Variants in DPYSL2 observed in about 807,000 individuals in gnomAD.
DPYSL2 encodes dihydropyrimidinase like 2, also known as dihydropyrimidinase-related protein 2.
In DPYSL2, 13 loss-of-function variants were observed where a neutral mutation model predicts 69.9. That is an observed-to-expected ratio of 0.19 (90% CI 0.12 to 0.30). The LOEUF (loss-of-function observed/expected upper bound fraction) is 0.30. Among genes scored for constraint, DPYSL2 ranks in the 10% least tolerant of loss-of-function variants. The pLI, the probability that DPYSL2 is intolerant of heterozygous loss-of-function variation, is 1.00. For synonymous variants in DPYSL2, 326 were observed against 359.1 expected (o/e 0.91, Z 1.04); for missense variants, 587 against 918.9 (o/e 0.64, Z 4.67).
intron 3 of DPYSL2, among the ~76,000 whole-genome samples, chr8:26,590,307 C>T (rs1361864712): frequency 6.6e-6 from 1 of 152,206 alleles, no homozygotes; most frequent in Non-Finnish European, 1.5e-5. Context: ...TCTCTGTGCT[C>T]CTCCCCTTGT....
At chr8:26,589,633 C>G (rs1390535601) in intron 3 of DPYSL2, among the ~76,000 whole-genome samples, 1 of 152,206 alleles carries the variant, frequency 6.6e-6, no homozygotes, top group African/African-American at 2.4e-5. Flanking sequence ...AGCCCCAGCT[C>G]CCTGAGTCCC....
intron 1 of DPYSL2, among the ~76,000 whole-genome samples, chr8:26,559,091 C>T (rs1056465015): frequency 2.6e-5 from 4 of 152,100 alleles, no homozygotes; most frequent in Admixed American, 6.5e-5. Flanking sequence ...TACAAGCGCA[C>T]GCCACCACGC....
intron 1 of DPYSL2, chr8:26,578,337 T>C: frequency 1.9e-6 from 3 of 1,613,618 alleles, no homozygotes; most frequent in Non-Finnish European, 2.5e-6. Flanking sequence ...CAGCCACCTT[T>C]TGTAGCACAG....
Position 26,571,716 on chromosome 8 carries a change from C to T in DPYSL2, c.355-10253C>T, listed in dbSNP as rs1184570685. ...ATCCTAGCAGAGCCCCCATGCTGGCCGGCAGTCTGTACAGTTCTAGCCAAA... is the reference window on the plus strand; with the variant it reads ...ATCCTAGCAGAGCCCCCATGCTGGCTGGCAGTCTGTACAGTTCTAGCCAAA... On this transcript the variant is annotated intron_variant, in intron 1 of 13. Coordinates refer to ENST00000521913, the MANE Select transcript of DPYSL2 (RefSeq NM_001197293.3). This position sits in a 1 kb window ranked among gnomAD's most constrained non-coding sequence, Gnocchi z 6.1. Among the ~76,000 whole-genome samples the T allele has an allele frequency of 1.3e-5, 2 of 152,142 alleles. No homozygotes were observed. Among genetic ancestry groups the T allele is most frequent in the African/African-American group, 2.4e-5 (1 of 41,436 alleles).
At chr8:26,574,665 C>A (rs1443141607) in intron 1 of DPYSL2, among the ~76,000 whole-genome samples, 1 of 152,142 alleles carries the variant, frequency 6.6e-6, no homozygotes, top group Non-Finnish European at 1.5e-5. Flanking sequence ...ACAAAGGGTA[C>A]GAATATTAGA....
rs1373719648 is a variant in DPYSL2 at position 26,588,521 on chromosome 8, A to T, written c.628+4538A>T. Among the ~76,000 whole-genome samples the T allele has an allele frequency of 6.6e-6, 1 of 152,126 alleles. No homozygotes were observed. The highest frequency in any genetic ancestry group is 1.5e-5 in the Non-Finnish European group (1 of 68,008). ...CTGAATGTCATTTCTGCTCACCTGA[A>T]CTCCAGGCTCTCTCTAGAGGAGGTG... On this transcript the variant is annotated intron_variant, in intron 3 of 13. Transcript: ENST00000521913. This position sits in a 1 kb window ranked among gnomAD's most constrained non-coding sequence, Gnocchi z 5.4.
chr8:26,586,195 G>A lies in DPYSL2; in HGVS notation c.628+2212G>A, dbSNP rs1418091998. On this transcript the variant is annotated intron_variant, in intron 3 of 13. Transcript: ENST00000521913. The surrounding 1 kb of genome is among the most constrained non-coding windows in gnomAD (Gnocchi z 4.7). Reference sequence around the variant, plus strand: ...CCCCCAGCCAGGAGTTAGGAGTCTGGAGTGCTGGCCCCCTTCTGACACTGA... The same window carrying A: ...CCCCCAGCCAGGAGTTAGGAGTCTGAAGTGCTGGCCCCCTTCTGACACTGA... Among the ~76,000 whole-genome samples, 2 of 152,176 alleles carry A rather than the reference G, an allele frequency of 1.3e-5. No homozygotes were observed. The highest frequency in any genetic ancestry group is 2.9e-5 in the Non-Finnish European group (2 of 68,024).
rs1801882833 is a variant in DPYSL2 at position 26,597,284 on chromosome 8, C to G, written c.628+13301C>G. Among the ~76,000 whole-genome samples the G allele has an allele frequency of 6.6e-6, 1 of 152,130 alleles. No individual in the cohort carries two copies. The highest frequency in any genetic ancestry group is 6.5e-5 in the Admixed American group (1 of 15,272). On this transcript the variant is annotated intron_variant, in intron 3 of 13. Coordinates refer to ENST00000521913, the MANE Select transcript of DPYSL2 (RefSeq NM_001197293.3). This position sits in a 1 kb window ranked among gnomAD's most constrained non-coding sequence, Gnocchi z 5.2. Reference sequence around the variant, plus strand: ...ATCCTTCTTCTGGGAGGCCCGGGAGCCTTCTTCCATGCGGGGCCAGATTGA... The same window carrying G: ...ATCCTTCTTCTGGGAGGCCCGGGAGGCTTCTTCCATGCGGGGCCAGATTGA...
At chr8:26,546,317 A>G (rs1212860697) in intron 1 of DPYSL2, among the ~76,000 whole-genome samples, 4 of 152,194 alleles carry the variant, frequency 2.6e-5, no homozygotes. Context: ...CAGGAAAGCA[A>G]TGGACTTTTG....
At chr8:26,631,898 C>T (rs73567651) in intron 7 of DPYSL2, among the ~76,000 whole-genome samples, 1 of 152,132 alleles carries the variant, frequency 6.6e-6, no homozygotes. Context: ...GTGTGTTAAA[C>T]CCTGTGTGGG....
At chr8:26,542,744 AG>A (rs1223924348) in intron 1 of DPYSL2, among the ~76,000 whole-genome samples, 2 of 152,170 alleles carry the variant, frequency 1.3e-5, no homozygotes, top group Non-Finnish European at 2.9e-5. Context: ...ATTTTTAAAA[AG>A]TTAATACATG....
chr8:26,607,216 G>A (rs1802125716), intron 3 of DPYSL2, among the ~76,000 whole-genome samples: 1 of 152,218 alleles, frequency 6.6e-6, no homozygotes, highest in Non-Finnish European at 1.5e-5. Context: ...GCCGGGTGGT[G>A]CCTCACGCCT....
At chr8:26,635,042 G>A (rs113128902) in intron 8 of DPYSL2, 142 bp downstream of exon 8, 3 of 1,250,038 alleles carry the variant, frequency 2.4e-6, no homozygotes, top group Non-Finnish European at 3.3e-6. Flanking sequence ...CCTAATTACA[G>A]CCGGGCAAGG....
chr8:26,624,200 G>A lies in DPYSL2; in HGVS notation c.686G>A (p.Arg229Lys). 6.2e-7 allele frequency: 1 copy of A among 1,614,228 alleles called. No individual in the cohort carries two copies. The highest frequency in any genetic ancestry group is 1.1e-5 in the South Asian group (1 of 91,086). ...CTGCTCGCTGCCTTTGACCAGTGGA[G>A]GGAATGGGCCGACAGCAAGTCCTGC... ...TSLLAAFDQW[R>K]EWADSKSCCD... is the part of the protein sequence containing the mutation. The change falls in exon 4 of 14, where the codon AGG (arginine) becomes AAG (lysine). Residue 229 changes from arginine to lysine, a missense_variant. Physicochemically the swap from Arg to Lys is conservative, Grantham distance 26. Coordinates refer to ENST00000521913, the MANE Select transcript of DPYSL2 (RefSeq NM_001197293.3). This position sits in a 1 kb window ranked among gnomAD's most constrained non-coding sequence, Gnocchi z 4.7.
intron 3 of DPYSL2, among the ~76,000 whole-genome samples, chr8:26,600,457 T>A (rs1801964797): frequency 6.6e-6 from 1 of 152,192 alleles, no homozygotes; most frequent in Non-Finnish European, 1.5e-5. Context: ...TGCCAACACT[T>A]GCTATTGTCT....
intron 3 of DPYSL2, among the ~76,000 whole-genome samples, chr8:26,596,158 G>C (rs1424000157): frequency 6.6e-6 from 1 of 152,134 alleles, no homozygotes; most frequent in Non-Finnish European, 1.5e-5. Context: ...TAATCTTTTG[G>C]AGGAAGTGCA....
rs146973837 is a variant in DPYSL2 at position 26,557,623 on chromosome 8, C to A, written c.355-24346C>A. ...CAAAACCCTGTCTCTACTAAAAATA[C>A]AAAAAAAAAAAAAAAAAAAGCCAGG... On this transcript the variant is annotated intron_variant, in intron 1 of 13. Transcript: ENST00000521913. Among the ~76,000 whole-genome samples, 491 of 74,262 alleles carry A rather than the reference C, an allele frequency of 6.6e-3. 1 individual carries two copies. The highest frequency in any genetic ancestry group is 9.2e-3 in the South Asian group (13 of 1,418). 48.7% of individuals were successfully genotyped at this position (74,262 alleles called of 152,430 possible).
At chr8:26,546,083 G>A (rs759876028) in intron 1 of DPYSL2, among the ~76,000 whole-genome samples, 1 of 152,210 alleles carries the variant, frequency 6.6e-6, no homozygotes, top group Non-Finnish European at 1.5e-5. Context: ...CAGTTGGGAA[G>A]AACTGACATC....
In DPYSL2 at chr8:26,593,516, A is replaced by G. The variant is rs933592125; in HGVS notation, c.628+9533A>G. On this transcript the variant is annotated intron_variant, in intron 3 of 13. Transcript: ENST00000521913. The surrounding 1 kb of genome is among the most constrained non-coding windows in gnomAD (Gnocchi z 5.7). Reference sequence around the variant, plus strand: ...CTCTTCACGAAGGGAGTGGGATCACACTGTTGCTATCTGGCCAGGGTGGAG... The same window carrying G: ...CTCTTCACGAAGGGAGTGGGATCACGCTGTTGCTATCTGGCCAGGGTGGAG... 2.6e-5 allele frequency among the ~76,000 whole-genome samples: 4 copies of G among 152,152 alleles called. No homozygotes were observed. The highest frequency in any genetic ancestry group is 9.7e-5 in the African/African-American group (4 of 41,438).
Sources: allele counts gnomAD v4.1 joint callset (sites outside exome capture counted in the v4.1 genomes callset), GRCh38; gene constraint gnomAD v4.1.1; non-coding constraint Gnocchi (gnomAD v3.1); transcripts MANE v1.5; gene names NCBI Gene and HGNC (gene_info 2026-07-23, HGNC 2026-07-21).